BBS1: variants seen among roughly 807,000 people sequenced by gnomAD.
BBS1 encodes the protein Bardet-Biedl syndrome 1.
Under a neutral mutation model 73.9 loss-of-function variants are expected in BBS1, and 60 were observed. The observed-to-expected ratio is 0.81, with a 90% CI of 0.66 to 1.01. BBS1 has a LOEUF of 1.01. Among genes scored for constraint, BBS1 ranks in the 50% least tolerant of loss-of-function variants. The probability of loss-of-function intolerance (pLI) is 0.00; values close to 1 mark genes in which losing one functional copy is unlikely to be tolerated. For synonymous variants in BBS1, 283 were observed against 317.4 expected (o/e 0.89, Z 1.15); for missense variants, 718 against 770.3 (o/e 0.93, Z 0.80).
intron 1 of BBS1, 47 bp downstream of exon 1, chr11:66,510,753 G>A: frequency 6.2e-7 from 1 of 1,611,322 alleles, no homozygotes; most frequent in Non-Finnish European, 8.5e-7. Context: ...CGTGTAAAGA[G>A]GGTCCCTTGG....
At chr11:66,525,529 A>C (rs1168139633) in intron 11 of BBS1, among the ~76,000 whole-genome samples, 2 of 152,292 alleles carry the variant, frequency 1.3e-5, no homozygotes, top group East Asian at 3.9e-4. Flanking sequence ...ACACCACTGC[A>C]CTCCAGCCTG....
intron 1 of BBS1, 24 bp downstream of exon 1, chr11:66,510,730 C>T (rs891793492): frequency 6.8e-6 from 11 of 1,613,904 alleles, no homozygotes; most frequent in African/African-American, 1.3e-5. Flanking sequence ...TCCTCAAGGC[C>T]TCTTTTCCCA....
intron 15 of BBS1, 74 bp downstream of exon 15, chr11:66,531,102 C>T: frequency 6.3e-7 from 1 of 1,586,996 alleles, no homozygotes; most frequent in East Asian, 2.3e-5. Flanking sequence ...CCCACAGAGC[C>T]CCGCCAGGTC....
At chr11:66,522,587 C>G (rs1021929241) in intron 9 of BBS1, among the ~76,000 whole-genome samples, 42 of 152,084 alleles carry the variant, frequency 2.8e-4, no homozygotes, top group African/African-American at 1.0e-3. Context: ...ACCTTGTGAT[C>G]CACCCTTCTC....
At chr11:66,529,314 T>C (rs981050036) in intron 13 of BBS1, 126 of 1,536,102 alleles carry the variant, frequency 8.2e-5, no homozygotes, top group Admixed American at 9.8e-5. Flanking sequence ...GGCAGGACCA[T>C]GAGGCTGGTT....
intron 13 of BBS1, chr11:66,527,740 C>A (rs1247895386): frequency 6.6e-6 from 1 of 150,914 alleles, no homozygotes; most frequent in Non-Finnish European, 1.5e-5. Flanking sequence ...CTGGGGCCAA[C>A]TTCATGATCA....
intron 7 of BBS1, 44 bp from the exon 8 acceptor site, chr11:66,519,573 G>A (rs1003403379): frequency 3.1e-6 from 5 of 1,612,288 alleles, no homozygotes; most frequent in Non-Finnish European, 4.2e-6. Context: ...TCTTGGGGGT[G>A]GTGTGTGGAG....
chr11:66,514,208 A>G (rs375909571), intron 3 of BBS1, among the ~76,000 whole-genome samples, 198 bp from the exon 4 acceptor site: 3 of 152,358 alleles, frequency 2.0e-5, no homozygotes, highest in African/African-American at 7.2e-5. Flanking sequence ...CCATGAAAGT[A>G]TCACCATTCT....
intron 9 of BBS1, chr11:66,522,996 A>G (rs2134792700): frequency 5.4e-6 from 2 of 373,482 alleles, no homozygotes; most frequent in South Asian, 4.1e-5. Context: ...TCGAATAGAG[A>G]GGAACTAACT....
chr11:66,512,162 GAAGT>G (rs1313707518), intron 3 of BBS1, among the ~76,000 whole-genome samples: 2 of 151,450 alleles, frequency 1.3e-5, no homozygotes, highest in Non-Finnish European at 2.9e-5. Flanking sequence ...TAAAAGAAAG[GAAGT>G]TAGCATGGAT....
At chr11:66,516,014 C>A in intron 7 of BBS1, 81 bp downstream of exon 7, 1 of 1,386,238 alleles carries the variant, frequency 7.2e-7, no homozygotes, top group Non-Finnish European at 1.0e-6. Flanking sequence ...GTGGTAAATT[C>A]TATAAGCAAA....
intron 13 of BBS1, chr11:66,529,155 C>T (rs1413931729): frequency 3.2e-6 from 3 of 923,986 alleles, no homozygotes; most frequent in South Asian, 1.1e-4. Flanking sequence ...CCTGGGGGAC[C>T]GAGGTGCCCA....
intron 7 of BBS1, among the ~76,000 whole-genome samples, chr11:66,516,699 T>C (rs1349558057): frequency 6.6e-6 from 1 of 152,048 alleles, no homozygotes; most frequent in Non-Finnish European, 1.5e-5. Flanking sequence ...TACAAGTGCA[T>C]GCCACCATGC....
chr11:66,527,292 G>GTTCA (rs1208397856), intron 13 of BBS1, among the ~76,000 whole-genome samples: 1 of 150,328 alleles, frequency 6.7e-6, no homozygotes, highest in African/African-American at 2.4e-5. Context: ...CCGTTTATTT[G>GTTCA]TTCATTCATT....
At chr11:66,521,210 C>G in intron 8 of BBS1, 60 bp from the exon 9 acceptor site, 1 of 1,296,670 alleles carries the variant, frequency 7.7e-7, no homozygotes, top group South Asian at 1.2e-5. Context: ...GAGTTACTGA[C>G]AGGGCAGGGA....
At chr11:66,523,383 A>G in intron 9 of BBS1, 73 bp from the exon 10 acceptor site, 3 of 1,609,384 alleles carry the variant, frequency 1.9e-6, no homozygotes, top group Admixed American at 3.3e-5. Context: ...CATGAGGTTT[A>G]GACAGAGGAG....
At chr11:66,525,563 CAAAA>C (rs879584801) in intron 11 of BBS1, among the ~76,000 whole-genome samples, 4 of 150,900 alleles carry the variant, frequency 2.7e-5, no homozygotes, top group African/African-American at 7.3e-5. Flanking sequence ...GACTCCATCT[CAAAA>C]AAAAAGTATG....
At chr11:66,518,907 G>A (rs561137594) in intron 7 of BBS1, among the ~76,000 whole-genome samples, 7 of 152,106 alleles carry the variant, frequency 4.6e-5, no homozygotes, top group African/African-American at 1.4e-4. Flanking sequence ...ACAGATGCAT[G>A]CCATCGCACC....
At position 66,519,475 on chromosome 11, in the gene BBS1, T is replaced by G. The variant is rs772864163; in HGVS notation, c.592-142T>G. 9.2e-6 allele frequency: 11 copies of G among 1,196,774 alleles called. No homozygotes were observed. In the East Asian group the frequency reaches 2.7e-4, roughly 30 times the overall value. 74.1% of individuals were successfully genotyped at this position (1,196,774 alleles called of 1,614,324 possible). A position where few individuals can be genotyped will look rare whatever the true frequency, so the allele number is the denominator to read the frequency against. On this transcript the variant is annotated intron_variant, in intron 7 of 16. Transcript: ENST00000318312. Reference sequence around the variant, plus strand: ...GTTAGATTTGTTGCAATAAACACCTTTGTACTTAAATCTTCTGTCACATCT... The same window carrying G: ...GTTAGATTTGTTGCAATAAACACCTGTGTACTTAAATCTTCTGTCACATCT...
Sources: allele counts gnomAD v4.1 joint callset (sites outside exome capture counted in the v4.1 genomes callset), GRCh38; gene constraint gnomAD v4.1.1; transcripts MANE v1.5; gene names NCBI Gene and HGNC (gene_info 2026-07-23, HGNC 2026-07-21).